NR2F6: variants seen among roughly 807,000 people sequenced by gnomAD.
The protein encoded by NR2F6 is ERBA-related gene-2.
A neutral mutation model predicts 26.5 loss-of-function variants in NR2F6; 16 were observed. That is an observed-to-expected ratio of 0.60 (90% CI 0.41 to 0.92). The LOEUF is 0.92. Ranked by LOEUF, NR2F6 falls within the 40% of genes least tolerant of loss-of-function variation. The pLI is 0.00. For synonymous variants in NR2F6, 325 were observed against 305.0 expected (o/e 1.07, Z -0.68); for missense variants, 536 against 631.7 (o/e 0.85, Z 1.62).
At chr19:17,240,557 C>A (rs1023962188) in intron 2 of NR2F6, 114 bp downstream of exon 2, 14 of 1,142,844 alleles carry the variant, frequency 1.2e-5, no homozygotes, top group Non-Finnish European at 1.7e-5. Context: ...GGCACCCAGA[C>A]CCCTGTGAAA....
rs2073412960 is a variant in NR2F6 at position 17,232,492 on chromosome 19, CG to C, written c.1074del (p.Ala359ProfsTer27). ...AGGGAGGCAGGGACCGCGCGCAGGGCGGGGAGCCGCAGCAGCAGGCGCCCGA... is the reference window on the plus strand; with the variant it reads ...AGGGAGGCAGGGACCGCGCGCAGGGCGGGAGCCGCAGCAGCAGGCGCCCGA... ...QRFGRLLLRL[P>X]ALRAVPASLI... On this transcript the variant is annotated frameshift_variant, in exon 4 of 4. Coordinates refer to ENST00000291442, the MANE Select transcript of NR2F6 (RefSeq NM_005234.4). LOFTEE classifies it high-confidence loss of function. 1 of 1,610,842 alleles carries C rather than the reference CG, an allele frequency of 6.2e-7. No homozygotes were observed. The highest frequency in any genetic ancestry group is 1.3e-5 in the African/African-American group (1 of 74,910).
Position 17,245,165 on chromosome 19 carries a change from T to C in NR2F6, c.56A>G (p.Asp19Gly), listed in dbSNP as rs760065076. The C allele has an allele frequency of 1.4e-6, 2 of 1,419,134 alleles. No individual in the cohort carries two copies. Among genetic ancestry groups the C allele is most frequent in the Non-Finnish European group, 1.8e-6 (2 of 1,085,564 alleles). 87.9% of individuals were successfully genotyped at this position (1,419,134 alleles called of 1,614,324 possible). The change falls in exon 1 of 4, where the codon GAC becomes GGC. Residue 19 changes from aspartate (D) to glycine (G), a missense_variant. Asp to Gly is a moderately conservative substitution (Grantham distance 94, BLOSUM62 -1). Transcript: ENST00000291442. The surrounding 1 kb of genome is among the most constrained non-coding windows in gnomAD (Gnocchi z 5.0). ...CGCGCGCGGGTAGCCGCCCGCCTTG[T>C]CCACGCCGTTCGTGTCGCCGCCGGG... Reference protein sequence around the residue: ...GGPGGDTNGVDKAGGYPRAAE... With the variant: ...GGPGGDTNGVGKAGGYPRAAE...
intron 3 of NR2F6, among the ~76,000 whole-genome samples, chr19:17,233,876 G>A (rs1019519986): frequency 6.6e-6 from 1 of 152,080 alleles, no homozygotes; most frequent in African/African-American, 2.4e-5. Flanking sequence ...AAGGGCCTAC[G>A]GTGTGAGAGA....
chr19:17,245,185 G>A lies in NR2F6; in HGVS notation c.36C>T (p.Gly12=), dbSNP rs1166048669. The A allele has an allele frequency of 2.9e-6, 4 of 1,387,648 alleles. No homozygotes were observed. The highest frequency in any genetic ancestry group is 3.7e-6 in the Non-Finnish European group (4 of 1,068,234). 86.0% of individuals were successfully genotyped at this position (1,387,648 alleles called of 1,614,324 possible). ...AMVTGGWGGP[G]GDTNGVDKAG... is the part of the protein sequence containing the mutation. ...CCTTGTCCACGCCGTTCGTGTCGCC[G>A]CCGGGGCCGCCCCAGCCGCCGGTCA... Residue 12 remains glycine (G), a synonymous_variant, in exon 1 of 4, where the codon GGC becomes GGT. Coordinates refer to ENST00000291442, the MANE Select transcript of NR2F6 (RefSeq NM_005234.4). This position sits in a 1 kb window ranked among gnomAD's most constrained non-coding sequence, Gnocchi z 5.0.
chr19:17,232,000 GC>G lies in NR2F6; in HGVS notation c.*351del. 1 of 300,144 alleles carries G rather than the reference GC, an allele frequency of 3.3e-6. No homozygotes were observed. Among genetic ancestry groups the G allele is most frequent in the East Asian group, 8.6e-5 (1 of 11,662 alleles). The allele number at this position is 300,144 out of a possible 1,614,324, so 18.6% of individuals were successfully genotyped here. A position where few individuals can be genotyped will look rare whatever the true frequency, so the allele number is the denominator to read the frequency against. On this transcript the variant is annotated 3_prime_UTR_variant, in exon 4 of 4. Transcript: ENST00000291442. ...CTAGCTACCCCTGCCCACTGGAGCAGCCCCTCTGGCCGACGCCAGGCCTTTG... is the reference window on the plus strand; with the variant it reads ...CTAGCTACCCCTGCCCACTGGAGCAGCCCTCTGGCCGACGCCAGGCCTTTG...
In NR2F6 at chr19:17,245,387, G is replaced by T; in HGVS notation, c.-167C>A. On this transcript the variant is annotated 5_prime_UTR_variant, in exon 1 of 4. Transcript: ENST00000291442. This position sits in a 1 kb window ranked among gnomAD's most constrained non-coding sequence, Gnocchi z 5.0. ...GCAACTTCCTGCGGCCGGTCCTCGC[G>T]CCCGGGCGGAACTGGTCGGGCCGGT... The T allele has an allele frequency of 4.0e-6, 2 of 499,446 alleles. No individual in the cohort carries two copies. Among genetic ancestry groups the T allele is most frequent in the Non-Finnish European group, 5.8e-6 (2 of 345,012 alleles). 30.9% of individuals were successfully genotyped at this position (499,446 alleles called of 1,614,324 possible).
intron 1 of NR2F6, among the ~76,000 whole-genome samples, chr19:17,241,853 T>C (rs1305711120): frequency 6.6e-6 from 1 of 151,600 alleles, no homozygotes; most frequent in Non-Finnish European, 1.5e-5. Context: ...CCGTCTCTAC[T>C]AAAAATACAA....
chr19:17,240,528 G>GCCGGCC, intron 2 of NR2F6, 143 bp downstream of exon 2: 1 of 820,358 alleles, frequency 1.2e-6, no homozygotes, highest in Non-Finnish European at 2.0e-6. Flanking sequence ...GTTAGCAGGC[G>GCCGGCC]CCGGCCCCCA....
rs1254877096 is a variant in NR2F6 at position 17,245,327 on chromosome 19, G to C, written c.-107C>G. The C allele has an allele frequency of 5.0e-6, 5 of 1,009,634 alleles. No homozygotes were observed. The highest frequency in any genetic ancestry group is 8.3e-5 in the East Asian group (2 of 24,016). 62.5% of individuals were successfully genotyped at this position (1,009,634 alleles called of 1,614,324 possible). ...GCGCGCATTCGGCCCCGGCGCGCGG[G>C]GGGCACGGGCTGCACCCCCCAAAAA... On this transcript the variant is annotated 5_prime_UTR_variant, in exon 1 of 4. Coordinates refer to ENST00000291442, the MANE Select transcript of NR2F6 (RefSeq NM_005234.4). This position sits in a 1 kb window ranked among gnomAD's most constrained non-coding sequence, Gnocchi z 5.0.
rs62126223 is a variant in NR2F6, at chr19:17,232,634, G to C, written c.941-8C>G. 0.032 allele frequency: 49,266 copies of C among 1,523,648 alleles called. 994 individuals carry two copies. The highest frequency in any genetic ancestry group is 0.051 in the South Asian group (3,968 of 77,396). The allele number at this position is 1,523,648 out of a possible 1,614,324, so 94.4% of individuals were successfully genotyped here. ...CTGAGAGGCCACAGGCGTCTAGGGG[G>C]ACAAAGGCAAGTCAGACAGGTGGGA... On this transcript the variant is annotated splice_region_variant and splice_polypyrimidine_tract_variant and intron_variant, in intron 3 of 3. Transcript: ENST00000291442.
chr19:17,243,070 G>C (rs1293685778), intron 1 of NR2F6, among the ~76,000 whole-genome samples: 1 of 152,152 alleles, frequency 6.6e-6, no homozygotes, highest in Non-Finnish European at 1.5e-5. Context: ...TTACAGCACA[G>C]CTCCCCCAGT....
In NR2F6 at chr19:17,236,018, C is replaced by A; in HGVS notation, c.421G>T (p.Ala141Ser). 7.2e-7 allele frequency: 1 copy of A among 1,381,158 alleles called. No individual in the cohort carries two copies. Among genetic ancestry groups the A allele is most frequent in the South Asian group, 1.5e-5 (1 of 65,864 alleles). The allele number at this position is 1,381,158 out of a possible 1,614,324, so 85.6% of individuals were successfully genotyped here. ...GAGCCCGGGGGGCTGCCCGAGGAGGCGGCCACGGCACCAGGCAGCGAGTGC... is the reference window on the plus strand; with the variant it reads ...GAGCCCGGGGGGCTGCCCGAGGAGGAGGCCACGGCACCAGGCAGCGAGTGC... ...IPHSLPGAVA[A>S]SSGSPPGSAL... The change falls in exon 3 of 4, where the codon GCC becomes TCC. Residue 141 changes from alanine to serine, a missense_variant. By Grantham distance (99) the Ala-to-Ser change is moderately conservative. Transcript: ENST00000291442.
intron 1 of NR2F6, 106 bp from the exon 2 acceptor site, chr19:17,240,871 G>A (rs1396241614): frequency 1.8e-6 from 2 of 1,108,118 alleles, no homozygotes; most frequent in African/African-American, 1.6e-5. Context: ...ACTAGTAGGG[G>A]CCCTCTAGAC....
Position 17,235,899 on chromosome 19 carries a change from A to C in NR2F6, c.540T>G (p.Pro180=). The C allele has an allele frequency of 6.8e-7, 1 of 1,465,550 alleles. No homozygotes were observed. Among genetic ancestry groups the C allele is most frequent in the Non-Finnish European group, 9.0e-7 (1 of 1,116,654 alleles). 90.8% of individuals were successfully genotyped at this position (1,465,550 alleles called of 1,614,324 possible). ...CTGCGCCGAAGCGTCCGGCCGCCGC[A>C]GGGTAGGGCTCAGCGCGCAGCAGCT... ...IAQLLRAEPY[P]AAAGRFGAGG... Residue 180 remains proline (P), a synonymous_variant, in exon 3 of 4, where the codon CCT becomes CCG. Transcript: ENST00000291442. The surrounding 1 kb of genome is among the most constrained non-coding windows in gnomAD (Gnocchi z 5.0).
At position 17,235,159 on chromosome 19, in the gene NR2F6, G is replaced by C. The variant is rs1477156078; in HGVS notation, c.940+340C>G. On this transcript the variant is annotated intron_variant, in intron 3 of 3. Coordinates refer to ENST00000291442, the MANE Select transcript of NR2F6 (RefSeq NM_005234.4). The surrounding 1 kb of genome is among the most constrained non-coding windows in gnomAD (Gnocchi z 5.0). ...TGTGCTATCAGTGCTCACTAAGCCT[G>C]AAGAGCCCTTTGGTGAGGGAGTAGG... Among the ~76,000 whole-genome samples, 1 of 152,228 alleles carries C rather than the reference G, an allele frequency of 6.6e-6. No homozygotes were observed. Among genetic ancestry groups the C allele is most frequent in the African/African-American group, 2.4e-5 (1 of 41,466 alleles).
chr19:17,234,550 C>G (rs190335359), intron 3 of NR2F6, among the ~76,000 whole-genome samples: 62 of 152,280 alleles, frequency 4.1e-4, no homozygotes, highest in Non-Finnish European at 7.2e-4. Flanking sequence ...TCCCAGGAGA[C>G]AGGCTGGAGA....
At chr19:17,242,866 C>G (rs2073477098) in intron 1 of NR2F6, among the ~76,000 whole-genome samples, 2 of 152,228 alleles carry the variant, frequency 1.3e-5, no homozygotes, top group Non-Finnish European at 2.9e-5. Context: ...TTCCTGTTAT[C>G]CCACCTAAAG....
At position 17,235,944 on chromosome 19, in the gene NR2F6, C is replaced by T. The variant is rs1429076990; in HGVS notation, c.495G>A (p.Pro165=). 6 of 1,481,348 alleles carry T rather than the reference C, an allele frequency of 4.1e-6. No homozygotes were observed. Among genetic ancestry groups the T allele is most frequent in the African/African-American group, 1.5e-5 (1 of 68,026 alleles). The allele number at this position is 1,481,348 out of a possible 1,614,324, so 91.8% of individuals were successfully genotyped here. ...GCAGCTGCGCGATCAGTTCGGACACCGGCTGCCCCGGGAAGAGGTCTCCGC... is the reference window on the plus strand; with the variant it reads ...GCAGCTGCGCGATCAGTTCGGACACTGGCTGCCCCGGGAAGAGGTCTCCGC... ...ASGGDLFPGQ[P]VSELIAQLLR... is the part of the protein sequence containing the mutation. Residue 165 remains proline (P), a synonymous_variant, in exon 3 of 4, where the codon CCG becomes CCA. Coordinates refer to ENST00000291442, the MANE Select transcript of NR2F6 (RefSeq NM_005234.4). This position sits in a 1 kb window ranked among gnomAD's most constrained non-coding sequence, Gnocchi z 5.0.
intron 1 of NR2F6, among the ~76,000 whole-genome samples, chr19:17,243,490 G>A (rs527671277): frequency 6.7e-6 from 1 of 150,290 alleles, no homozygotes; most frequent in African/African-American, 2.5e-5. Flanking sequence ...GCTGCTCCCT[G>A]ACACCACCCT....
Sources: gnomAD v4.1 joint callset for allele counts (sites outside exome capture counted in the v4.1 genomes callset) on GRCh38, gnomAD v4.1.1 for gene constraint, Gnocchi (gnomAD v3.1) non-coding constraint, MANE v1.5 for transcripts, NCBI Gene and HGNC (gene_info 2026-07-23, HGNC 2026-07-21) for gene names.